Variants in FOCAD observed in about 807,000 individuals in gnomAD.
The protein encoded by FOCAD is focadhesin.
FOCAD carries 198 observed loss-of-function variants against 225.6 expected under a neutral mutation model. The ratio of observed to expected loss-of-function variants is 0.88; its 90% CI spans 0.78 to 0.99. The LOEUF (loss-of-function observed/expected upper bound fraction) is 0.99. FOCAD is among the 50% of genes least tolerant of loss of function. FOCAD has a pLI of 0.00. For missense variants in FOCAD, 2,713 were observed against 2,123.6 expected (o/e 1.28, Z -5.46); for synonymous variants, 897 against 755.0 (o/e 1.19, Z -3.08).
At chr9:20,988,462 TA>T in intron 41 of FOCAD, 33 bp downstream of exon 41, 2 of 1,158,744 alleles carry the variant, frequency 1.7e-6, no homozygotes, top group Non-Finnish European at 2.4e-6. Context: ...ATAGCTTCCT[TA>T]AAATACAGAA....
At chr9:20,981,393 A>C in intron 37 of FOCAD, 33 bp from the exon 38 acceptor site, 1 of 1,607,176 alleles carries the variant, frequency 6.2e-7, no homozygotes, top group Non-Finnish European at 8.5e-7. Context: ...AGACTTGCCT[A>C]TTTACATTCA....
At chr9:20,905,248 G>A (rs1832860556) in intron 21 of FOCAD, among the ~76,000 whole-genome samples, 1 of 152,014 alleles carries the variant, frequency 6.6e-6, no homozygotes, top group African/African-American at 2.4e-5. Flanking sequence ...GCAGCAGGAA[G>A]AGGATTAGCT....
chr9:20,945,723 G>C (rs377111551), intron 29 of FOCAD, among the ~76,000 whole-genome samples: 17 of 152,238 alleles, frequency 1.1e-4, no homozygotes, highest in East Asian at 9.6e-4. Flanking sequence ...TTTTATAACT[G>C]ATGCATCTGT....
intron 4 of FOCAD, among the ~76,000 whole-genome samples, chr9:20,721,971 T>TCCC (rs1319764699): frequency 7.4e-5 from 1 of 13,580 alleles, no homozygotes; most frequent in Non-Finnish European, 1.6e-4. Context: ...CCTTCTTTTT[T>TCCC]CTCCCCTCCT....
intron 15 of FOCAD, among the ~76,000 whole-genome samples, chr9:20,831,786 A>G (rs140422920): frequency 1.3e-5 from 2 of 152,196 alleles, no homozygotes; most frequent in East Asian, 3.9e-4. Flanking sequence ...TGAAAAGCTT[A>G]CTAAAATCAA....
At chr9:20,737,396 G>A (rs1183170829) in intron 4 of FOCAD, among the ~76,000 whole-genome samples, 3 of 152,066 alleles carry the variant, frequency 2.0e-5, no homozygotes, top group African/African-American at 7.2e-5. Flanking sequence ...ATGCAAAAAA[G>A]GATTATTTAA....
At chr9:20,939,723 T>C (rs970110243) in intron 28 of FOCAD, among the ~76,000 whole-genome samples, 1 of 151,444 alleles carries the variant, frequency 6.6e-6, no homozygotes, top group African/African-American at 2.4e-5. Context: ...TTTTATTTTT[T>C]ATTTTTTAAA....
chr9:20,791,080 G>T (rs1212760534), intron 11 of FOCAD, among the ~76,000 whole-genome samples: 1 of 152,150 alleles, frequency 6.6e-6, no homozygotes, highest in African/African-American at 2.4e-5. Context: ...CACTTGGTAG[G>T]ATAATCTCTA....
At chr9:20,813,367 C>A (rs1053941623) in intron 11 of FOCAD, among the ~76,000 whole-genome samples, 4 of 152,052 alleles carry the variant, frequency 2.6e-5, no homozygotes, top group Admixed American at 6.6e-5. Flanking sequence ...AGTTCTTTTG[C>A]ATAAACAACC....
At chr9:20,888,226 C>T (rs1054314331) in intron 21 of FOCAD, among the ~76,000 whole-genome samples, 8 of 150,330 alleles carry the variant, frequency 5.3e-5, no homozygotes, top group Non-Finnish European at 1.0e-4. Flanking sequence ...ACAACCTCCG[C>T]CTCCTGGGCT....
chr9:20,769,072 G>C (rs1007928649), intron 7 of FOCAD, among the ~76,000 whole-genome samples: 1 of 152,088 alleles, frequency 6.6e-6, no homozygotes, highest in African/African-American at 2.4e-5. Context: ...CTTCTCTGTG[G>C]CCTTTTGACT....
chr9:20,790,569 C>G (rs377081464), intron 11 of FOCAD, among the ~76,000 whole-genome samples: 3 of 152,118 alleles, frequency 2.0e-5, no homozygotes, highest in Admixed American at 6.6e-5. Context: ...GTCAAGAGTT[C>G]GAGACCAGCC....
chr9:20,677,970 G>A (rs1185369462), intron 2 of FOCAD, among the ~76,000 whole-genome samples: 3 of 152,108 alleles, frequency 2.0e-5, no homozygotes, highest in African/African-American at 7.2e-5. Flanking sequence ...ATGTATGTAT[G>A]TGTGTGTGTA....
intron 16 of FOCAD, among the ~76,000 whole-genome samples, chr9:20,863,852 A>G (rs1462239263): frequency 6.6e-6 from 1 of 152,094 alleles, no homozygotes; most frequent in African/African-American, 2.4e-5. Context: ...CCTTGAGTTA[A>G]TCAGATTTTA....
At chr9:20,931,366 G>T (rs1835453464) in intron 27 of FOCAD, among the ~76,000 whole-genome samples, 2 of 152,136 alleles carry the variant, frequency 1.3e-5, no homozygotes, top group African/African-American at 4.8e-5. Flanking sequence ...CTTAGGGCCT[G>T]TGTGTTAGTA....
At chr9:20,686,070 C>G (rs1227088142) in intron 1 of FOCAD, among the ~76,000 whole-genome samples, 2 of 152,204 alleles carry the variant, frequency 1.3e-5, no homozygotes, top group African/African-American at 4.8e-5. Flanking sequence ...ATATTGTCCA[C>G]AAGTGATTAG....
intron 33 of FOCAD, 64 bp downstream of exon 33, chr9:20,949,739 A>G (rs1837517740): frequency 8.5e-6 from 11 of 1,292,960 alleles, no homozygotes; most frequent in South Asian, 1.2e-5. Context: ...CTTTTTTTCT[A>G]TTACATGATA....
In FOCAD at chr9:20,929,500, C is replaced by G; in HGVS notation, c.3221C>G (p.Pro1074Arg). 2 of 1,614,090 alleles carry G rather than the reference C, an allele frequency of 1.2e-6. No homozygotes were observed. Among genetic ancestry groups the G allele is most frequent in the South Asian group, 2.2e-5 (2 of 91,074 alleles). Reference sequence around the variant, plus strand: ...CTGAACATGCTGACTGCCAGGTTACCTGGGAAACCAAGTGCTGATGAGTCT... The same window carrying G: ...CTGAACATGCTGACTGCCAGGTTACGTGGGAAACCAAGTGCTGATGAGTCT... ...EILNMLTARL[P>R]GKPSADESQA... The change falls in exon 27 of 44, where the codon CCT (proline) becomes CGT (arginine). Residue 1074 changes from proline to arginine, a missense_variant. Pro to Arg is a moderately radical substitution (Grantham distance 103, BLOSUM62 -2). Coordinates refer to ENST00000338382, the MANE Select transcript of FOCAD (RefSeq NM_001375567.1).
In FOCAD at chr9:20,789,348, C is replaced by T. The variant is rs368542428; in HGVS notation, c.1198-3C>T. 1.2e-6 allele frequency: 2 copies of T among 1,605,452 alleles called. No homozygotes were observed. Among genetic ancestry groups the T allele is most frequent in the African/African-American group, 1.3e-5 (1 of 74,836 alleles). ...TTATGCCTCTCTTGTCTTTATTTTT[C>T]AGCTCTCCTACAAGCTTGTGTGCCC... On this transcript the variant is annotated splice_polypyrimidine_tract_variant and splice_region_variant and intron_variant, in intron 10 of 43. Coordinates refer to ENST00000338382, the MANE Select transcript of FOCAD (RefSeq NM_001375567.1).
Sources: gnomAD v4.1 joint callset for allele counts (sites outside exome capture counted in the v4.1 genomes callset) on GRCh38, gnomAD v4.1.1 for gene constraint, MANE v1.5 for transcripts, NCBI Gene and HGNC (gene_info 2026-07-23, HGNC 2026-07-21) for gene names.